The following ARHGAP24 variants were observed in gnomAD, a reference collection of about 807,000 sequenced individuals.
ARHGAP24 encodes the protein Rho GTPase activating protein 24.
In ARHGAP24, 50 loss-of-function variants were observed where a neutral mutation model predicts 76.4. The ratio of observed to expected loss-of-function variants is 0.65; its 90% CI spans 0.52 to 0.83. The LOEUF (loss-of-function observed/expected upper bound fraction) is 0.83. ARHGAP24 is among the 40% of genes least tolerant of loss of function. The probability of loss-of-function intolerance (pLI) is 0.00; values close to 1 mark genes in which losing one functional copy is unlikely to be tolerated. For synonymous variants in ARHGAP24, 345 were observed against 323.3 expected (o/e 1.07, Z -0.72); for missense variants, 930 against 914.2 (o/e 1.02, Z -0.22).
chr4:85,659,600 A>T (rs529675913), intron 2 of ARHGAP24, among the ~76,000 whole-genome samples: 1 of 152,292 alleles, frequency 6.6e-6, no homozygotes, highest in South Asian at 2.1e-4. Flanking sequence ...GGAATGATAT[A>T]ATTTTAGTCT....
chr4:85,843,040 C>A (rs1730694059), intron 3 of ARHGAP24, among the ~76,000 whole-genome samples: 1 of 152,098 alleles, frequency 6.6e-6, no homozygotes. Context: ...TTTCCAATGA[C>A]CAGTTGGAGT....
intron 2 of ARHGAP24, among the ~76,000 whole-genome samples, chr4:85,601,249 T>C (rs1041945768): frequency 6.6e-6 from 1 of 152,226 alleles, no homozygotes; most frequent in African/African-American, 2.4e-5. Flanking sequence ...CTTAGAGTTC[T>C]TTCTGTATAA....
intron 3 of ARHGAP24, among the ~76,000 whole-genome samples, chr4:85,743,497 G>T (rs906622941): frequency 6.7e-6 from 1 of 149,078 alleles, no homozygotes; most frequent in African/African-American, 2.5e-5. Context: ...GAGCCCAGAA[G>T]GCTGAGTCAG....
intron 1 of ARHGAP24, among the ~76,000 whole-genome samples, chr4:85,529,707 T>C (rs1379170152): frequency 6.6e-6 from 1 of 151,980 alleles, no homozygotes; most frequent in Non-Finnish European, 1.5e-5. Context: ...ATGTCCTCTG[T>C]GGAGTGGGAG....
chr4:85,593,169 C>T (rs1728187597), intron 2 of ARHGAP24, among the ~76,000 whole-genome samples: 1 of 152,074 alleles, frequency 6.6e-6, no homozygotes, highest in Admixed American at 6.6e-5. Context: ...GATGATATCT[C>T]ATTGTAGTTT....
intron 3 of ARHGAP24, among the ~76,000 whole-genome samples, chr4:85,848,344 C>A (rs1183121447): frequency 6.6e-6 from 1 of 152,138 alleles, no homozygotes. Flanking sequence ...TCCCCCTACC[C>A]CATGACAGGC....
intron 3 of ARHGAP24, among the ~76,000 whole-genome samples, chr4:85,868,843 T>G (rs906080816): frequency 6.6e-6 from 1 of 152,146 alleles, no homozygotes; most frequent in Non-Finnish European, 1.5e-5. Context: ...ATCCCCTCAC[T>G]TTAAAAGATG....
chr4:85,743,372 G>A (rs1275414181), intron 3 of ARHGAP24, among the ~76,000 whole-genome samples: 2 of 112,682 alleles, frequency 1.8e-5, no homozygotes, highest in Admixed American at 1.3e-4. Context: ...ACTTTAAGAC[G>A]CCAAGGCGGG....
chr4:85,648,392 C>T (rs775385383), intron 2 of ARHGAP24, among the ~76,000 whole-genome samples: 14 of 152,074 alleles, frequency 9.2e-5, no homozygotes, highest in Non-Finnish European at 1.8e-4. Context: ...ACAGGCACAT[C>T]AGTTACTTAA....
At chr4:85,942,345 A>C (rs1737001467) in intron 5 of ARHGAP24, 72 bp downstream of exon 5, 1 of 1,517,722 alleles carries the variant, frequency 6.6e-7, no homozygotes. Context: ...CAGTGAGCTG[A>C]GGAGGCATAA....
intron 3 of ARHGAP24, among the ~76,000 whole-genome samples, chr4:85,790,901 A>C (rs1203916966): frequency 6.6e-6 from 1 of 152,196 alleles, no homozygotes; most frequent in Non-Finnish European, 1.5e-5. Context: ...AGCCAAGTTT[A>C]GTGTGACTGT....
At chr4:85,902,475 CCT>C (rs1734554370) in intron 3 of ARHGAP24, among the ~76,000 whole-genome samples, 1 of 152,218 alleles carries the variant, frequency 6.6e-6, no homozygotes, top group Non-Finnish European at 1.5e-5. Flanking sequence ...TCTCAAATAA[CCT>C]TCCAGCTTTT....
At chr4:85,933,718 G>A (rs558456364) in intron 4 of ARHGAP24, among the ~76,000 whole-genome samples, 4 of 152,246 alleles carry the variant, frequency 2.6e-5, no homozygotes, top group South Asian at 2.1e-4. Flanking sequence ...CAGTGTAACC[G>A]ATCCCTTGAT....
chr4:85,626,361 T>C (rs1184800994), intron 2 of ARHGAP24, among the ~76,000 whole-genome samples: 1 of 152,228 alleles, frequency 6.6e-6, no homozygotes, highest in African/African-American at 2.4e-5. Flanking sequence ...AAATTCTGGG[T>C]TGAAAATTCT....
intron 2 of ARHGAP24, among the ~76,000 whole-genome samples, chr4:85,713,543 G>A (rs1246500090): frequency 6.6e-6 from 1 of 152,092 alleles, no homozygotes; most frequent in Non-Finnish European, 1.5e-5. Flanking sequence ...AATAAGTGAA[G>A]GAGCCAATAA....
chr4:85,694,633 TC>T (rs1190057816), intron 2 of ARHGAP24, among the ~76,000 whole-genome samples: 7 of 152,198 alleles, frequency 4.6e-5, no homozygotes, highest in Admixed American at 1.3e-4. Context: ...GAAGACACTG[TC>T]CCTGACTTTC....
chr4:85,702,340 T>C (rs1294803750), intron 2 of ARHGAP24, among the ~76,000 whole-genome samples: 2 of 152,222 alleles, frequency 1.3e-5, no homozygotes, highest in African/African-American at 4.8e-5. Context: ...ATGTACATTG[T>C]ATTTATACAG....
At chr4:85,567,457 A>G (rs575384914) in intron 1 of ARHGAP24, among the ~76,000 whole-genome samples, 51 of 152,314 alleles carry the variant, frequency 3.3e-4, no homozygotes, top group Non-Finnish European at 6.9e-4. Context: ...TCAAATGATC[A>G]GTTTTCTGTA....
At chr4:85,579,739 G>C (rs1003178904) in intron 2 of ARHGAP24, among the ~76,000 whole-genome samples, 1 of 151,852 alleles carries the variant, frequency 6.6e-6, no homozygotes, top group Non-Finnish European at 1.5e-5. Flanking sequence ...TTTTCTTTTA[G>C]CATAATATTT....
Sources: gnomAD v4.1 joint callset for allele counts (sites outside exome capture counted in the v4.1 genomes callset) on GRCh38, gnomAD v4.1.1 for gene constraint, MANE v1.5 for transcripts, NCBI Gene and HGNC (gene_info 2026-07-23, HGNC 2026-07-21) for gene names.